The following CCDC38 variants were observed in gnomAD, a reference collection of about 807,000 sequenced individuals.
The protein encoded by CCDC38 is coiled-coil domain-containing protein 38.
Under a neutral mutation model 72.8 loss-of-function variants are expected in CCDC38, and 69 were observed. That is an observed-to-expected ratio of 0.95 (90% CI 0.78 to 1.16). CCDC38 has a LOEUF of 1.16. CCDC38 is among the 50% of genes most tolerant of loss of function. The pLI is 0.00. For missense variants in CCDC38, 626 were observed against 638.9 expected (o/e 0.98, Z 0.22); for synonymous variants, 201 against 213.2 (o/e 0.94, Z 0.50).
chr12:95,895,753 C>CG (rs1180903344), intron 7 of CCDC38, among the ~76,000 whole-genome samples: 4 of 53,650 alleles, frequency 7.5e-5, no homozygotes, highest in East Asian at 9.6e-4. Flanking sequence ...AACTCTGTCT[C>CG]GAAAAAAAAA....
chr12:95,919,215 A>G (rs1211130528), intron 2 of CCDC38, among the ~76,000 whole-genome samples: 2 of 152,128 alleles, frequency 1.3e-5, no homozygotes, highest in Non-Finnish European at 2.9e-5. Context: ...GGGATATCTC[A>G]TGGTTAGAAC....
At chr12:95,919,304 G>A (rs977820865) in intron 2 of CCDC38, 8 of 362,836 alleles carry the variant, frequency 2.2e-5, no homozygotes, top group East Asian at 2.0e-4. Flanking sequence ...GTTACAGCTC[G>A]GCATTTGCCT....
At chr12:95,890,982 A>T (rs1434448251) in intron 8 of CCDC38, 52 bp from the exon 9 acceptor site, 3 of 985,544 alleles carry the variant, frequency 3.0e-6, no homozygotes, top group Non-Finnish European at 4.7e-6. Context: ...GGGGGAAAAA[A>T]ACACTGCTGA....
intron 4 of CCDC38, among the ~76,000 whole-genome samples, chr12:95,915,055 C>A (rs921184551): frequency 6.6e-6 from 1 of 152,004 alleles, no homozygotes; most frequent in Admixed American, 6.6e-5. Context: ...CTTCAATATC[C>A]AAAAAAATCC....
In CCDC38 at chr12:95,888,483, G is replaced by A. The variant is rs138378399; in HGVS notation, c.895C>T (p.Arg299Cys). The A allele has an allele frequency of 4.8e-4, 771 of 1,614,032 alleles. No individual in the cohort carries two copies. The highest frequency in any genetic ancestry group is 6.0e-4 in the Non-Finnish European group (703 of 1,179,994). The change falls in exon 10 of 16, where the codon CGC becomes TGC. Residue 299 changes from arginine (R) to cysteine (C), a missense_variant. Coordinates refer to ENST00000344280, the MANE Select transcript of CCDC38 (RefSeq NM_182496.3). ...SQGKPSRSLT[R>C]TPEKKKSNLA... ...TTTGATTTCTTTTTCTCTGGAGTGCGAGTCAGGCTTCTGCTTGGCTTTCCT... is the reference window on the plus strand; with the variant it reads ...TTTGATTTCTTTTTCTCTGGAGTGCAAGTCAGGCTTCTGCTTGGCTTTCCT...
chr12:95,927,298 G>A (rs1349726671), intron 2 of CCDC38, among the ~76,000 whole-genome samples: 1 of 151,620 alleles, frequency 6.6e-6, no homozygotes, highest in South Asian at 2.1e-4. Flanking sequence ...ATTATGTAAT[G>A]GCCTTGTCTC....
intron 10 of CCDC38, among the ~76,000 whole-genome samples, chr12:95,887,457 T>G (rs2079772354): frequency 6.6e-6 from 1 of 152,232 alleles, no homozygotes; most frequent in Non-Finnish European, 1.5e-5. Flanking sequence ...CCAAACAACT[T>G]AAGTGAATCT....
chr12:95,927,481 A>G (rs2080285166), intron 2 of CCDC38, among the ~76,000 whole-genome samples: 2 of 150,224 alleles, frequency 1.3e-5, no homozygotes, highest in South Asian at 2.1e-4. Flanking sequence ...ATGGGTCTTG[A>G]CTCTTTATCC....
chr12:95,915,908 G>A (rs929510928), intron 4 of CCDC38, among the ~76,000 whole-genome samples: 2 of 152,076 alleles, frequency 1.3e-5, no homozygotes, highest in African/African-American at 4.8e-5. Flanking sequence ...TTAAGAGACC[G>A]GTAACTTCTC....
chr12:95,884,306 A>G (rs1191713208), intron 10 of CCDC38, among the ~76,000 whole-genome samples: 1 of 152,252 alleles, frequency 6.6e-6, no homozygotes, highest in East Asian at 1.9e-4. Context: ...ACCAAAATAC[A>G]AAGTACAATA....
At chr12:95,928,770 A>G (rs1303055253) in intron 2 of CCDC38, among the ~76,000 whole-genome samples, 1 of 152,258 alleles carries the variant, frequency 6.6e-6, no homozygotes, top group African/African-American at 2.4e-5. Context: ...CAGGACCCTC[A>G]GCTGCAGGTC....
chr12:95,912,705 T>C (rs1488311722), intron 4 of CCDC38, among the ~76,000 whole-genome samples: 1 of 152,188 alleles, frequency 6.6e-6, no homozygotes, highest in African/African-American at 2.4e-5. Flanking sequence ...TATACATGTA[T>C]TGAAACATCA....
intron 2 of CCDC38, among the ~76,000 whole-genome samples, chr12:95,921,362 G>A (rs2080206076): frequency 6.6e-6 from 1 of 152,124 alleles, no homozygotes; most frequent in Non-Finnish European, 1.5e-5. Context: ...GAACTTCTCT[G>A]AGACTCGGTA....
chr12:95,871,007 CAT>C (rs1480043979), intron 14 of CCDC38, among the ~76,000 whole-genome samples: 3 of 152,214 alleles, frequency 2.0e-5, no homozygotes, highest in Non-Finnish European at 4.4e-5. Context: ...GTCACAAAGT[CAT>C]AAATAGTTGA....
At chr12:95,901,633 G>A (rs138486121) in intron 5 of CCDC38, among the ~76,000 whole-genome samples, 1 of 152,192 alleles carries the variant, frequency 6.6e-6, no homozygotes, top group Admixed American at 6.5e-5. Flanking sequence ...CAAGGTGGAA[G>A]AGTCGAGAGA....
intron 4 of CCDC38, among the ~76,000 whole-genome samples, chr12:95,910,150 C>T (rs1416742146): frequency 1.3e-5 from 2 of 152,150 alleles, no homozygotes; most frequent in Non-Finnish European, 2.9e-5. Context: ...ACCTAAAAAA[C>T]CCCAAAGACT....
intron 4 of CCDC38, among the ~76,000 whole-genome samples, chr12:95,916,664 T>C (rs981232185): frequency 6.6e-6 from 1 of 152,112 alleles, no homozygotes; most frequent in Non-Finnish European, 1.5e-5. Flanking sequence ...TTTTAATATG[T>C]TGCCTCCAAA....
intron 4 of CCDC38, among the ~76,000 whole-genome samples, chr12:95,912,579 G>A (rs1219513632): frequency 1.3e-5 from 2 of 152,108 alleles, no homozygotes; most frequent in East Asian, 3.9e-4. Context: ...GCAATAGTTT[G>A]TTACATATTT....
At chr12:95,913,932 C>A (rs78274733) in intron 4 of CCDC38, among the ~76,000 whole-genome samples, 14,124 of 151,188 alleles carry the variant, frequency 0.093, 818 homozygotes, top group Non-Finnish European at 0.12. Flanking sequence ...TCAGACACAA[C>A]GAGGAGGCAA....
Sources: gnomAD v4.1 joint callset for allele counts (sites outside exome capture counted in the v4.1 genomes callset) on GRCh38, gnomAD v4.1.1 for gene constraint, MANE v1.5 for transcripts, NCBI Gene and HGNC (gene_info 2026-07-23, HGNC 2026-07-21) for gene names.